Variants in CAGE1 observed in about 807,000 individuals in gnomAD.
CAGE1 encodes the protein cancer antigen 1, also known as cancer-associated gene 1 protein.
In CAGE1, 66 loss-of-function variants were observed where a neutral mutation model predicts 94.9. That is an observed-to-expected ratio of 0.70 (90% CI 0.57 to 0.85). CAGE1 has a LOEUF of 0.85. Ranked by LOEUF, CAGE1 falls within the 40% of genes least tolerant of loss-of-function variation. The pLI, the probability that CAGE1 is intolerant of heterozygous loss-of-function variation, is 0.00. For missense variants in CAGE1, 865 were observed against 950.4 expected, an observed-to-expected ratio of 0.91 and a Z score of 1.18; for synonymous variants, 319 against 321.0, an observed-to-expected ratio of 0.99 and a Z score of 0.07.
At chr6:7,388,693 G>A (rs74457696) in intron 1 of CAGE1, among the ~76,000 whole-genome samples, 1,542 of 152,162 alleles carry the variant, frequency 0.01, 22 homozygotes, top group African/African-American at 0.035. Flanking sequence ...ATAGTTTATT[G>A]AAAATTAGTT....
rs955075038 is a variant in CAGE1, at chr6:7,378,842, G to A, written c.462C>T (p.Asn154=). The change falls in exon 4 of 14, where the codon AAC becomes AAT. Residue 154 remains asparagine, a synonymous_variant. Coordinates refer to ENST00000502583, the MANE Select transcript of CAGE1 (RefSeq NM_001170692.2). ...CCTTAAATGAGTCTTGCTTTATATT[G>A]TTGTCTTTTGCATAATTATACACTT... ...QSQVYNYAKD[N]NIKQDSFKEE... is the part of the protein sequence containing the mutation. 6.2e-7 allele frequency: 1 copy of A among 1,612,664 alleles called. No homozygotes were observed. Among genetic ancestry groups the A allele is most frequent in the Admixed American group, 1.7e-5 (1 of 59,760 alleles).
At chr6:7,386,177 A>T (rs1167627031) in intron 2 of CAGE1, among the ~76,000 whole-genome samples, 1 of 151,628 alleles carries the variant, frequency 6.6e-6, no homozygotes, top group Non-Finnish European at 1.5e-5. Flanking sequence ...ATTGATAATT[A>T]TTTGATGTTT....
chr6:7,349,932 CAA>C (rs761682237), intron 11 of CAGE1, among the ~76,000 whole-genome samples: 30 of 77,604 alleles, frequency 3.9e-4, no homozygotes, highest in Non-Finnish European at 3.7e-4. Context: ...ACACTTGTCT[CAA>C]AAAAAAAAAA....
intron 7 of CAGE1, among the ~76,000 whole-genome samples, chr6:7,368,139 G>A (rs1760413932): frequency 6.6e-6 from 1 of 151,294 alleles, no homozygotes; most frequent in African/African-American, 2.4e-5. Flanking sequence ...TGTAATCCCA[G>A]CTACTTGGGA....
At chr6:7,369,797 T>G in intron 6 of CAGE1, 122 bp downstream of exon 6, 1 of 1,022,014 alleles carries the variant, frequency 9.8e-7, no homozygotes, top group Non-Finnish European at 1.4e-6. Context: ...GGGGTCTGTA[T>G]TTTATCTTCA....
chr6:7,362,407 T>C lies in CAGE1; in HGVS notation c.2193+3061A>G, dbSNP rs1760194888. ...GCCTTGTTCCCAGTGGTCAAATCCC[T>C]GACTGTATCAGTGTCTTCCTGGACC... is the stretch of plus-strand genomic sequence containing the variant. On this transcript the variant is annotated intron_variant, in intron 9 of 13. Transcript: ENST00000502583. The surrounding 1 kb of genome is among the most constrained non-coding windows in gnomAD (Gnocchi z 4.1). 6.6e-6 allele frequency among the ~76,000 whole-genome samples: 1 copy of C among 152,228 alleles called. No individual in the cohort carries two copies. The highest frequency in any genetic ancestry group is 1.5e-5 in the Non-Finnish European group (1 of 68,026).
At chr6:7,331,061 T>TG (rs1299495658) in intron 12 of CAGE1, among the ~76,000 whole-genome samples, 2 of 152,210 alleles carry the variant, frequency 1.3e-5, no homozygotes, top group African/African-American at 4.8e-5. Context: ...TTTTTCATTT[T>TG]GGGGAAAAAG....
At position 7,339,148 on chromosome 6, in the gene CAGE1, T is replaced by C; in HGVS notation, c.2370-5058A>G. ...GATTTAGCTCTCTGTCCTCAGAGTT[T>C]CCCAGACACCACGACCTCACAGCCT... On this transcript the variant is annotated intron_variant, in intron 11 of 13. Coordinates refer to ENST00000502583, the MANE Select transcript of CAGE1 (RefSeq NM_001170692.2). The surrounding 1 kb of genome is among the most constrained non-coding windows in gnomAD (Gnocchi z 4.7). 6.5e-7 allele frequency: 1 copy of C among 1,536,402 alleles called. No individual in the cohort carries two copies. Among genetic ancestry groups the C allele is most frequent in the Non-Finnish European group, 9.0e-7 (1 of 1,110,564 alleles).
chr6:7,358,826 A>G (rs1379241953), intron 9 of CAGE1, among the ~76,000 whole-genome samples: 1 of 152,198 alleles, frequency 6.6e-6, no homozygotes, highest in African/African-American at 2.4e-5. Context: ...CCTGTAAACA[A>G]TAACCAAAAA....
intron 12 of CAGE1, chr6:7,331,704 G>T: frequency 5.7e-6 from 1 of 174,346 alleles, no homozygotes; most frequent in South Asian, 1.4e-4. Flanking sequence ...GGTGCAGCTG[G>T]AGGACTTGGG....
chr6:7,342,131 C>T (rs1027402877), intron 11 of CAGE1: 1 of 1,007,312 alleles, frequency 9.9e-7, no homozygotes, highest in South Asian at 1.3e-5. Context: ...AAGGCAGCTT[C>T]ACAATCACTC....
chr6:7,364,399 G>A lies in CAGE1; in HGVS notation c.2193+1069C>T, dbSNP rs562817407. On this transcript the variant is annotated intron_variant, in intron 9 of 13. Transcript: ENST00000502583. ...AGTACCAGGGTTTATGTTTTGTTTCGCTTTCTAGCTCCTTAGTGATTAGCT... is the reference window on the plus strand; with the variant it reads ...AGTACCAGGGTTTATGTTTTGTTTCACTTTCTAGCTCCTTAGTGATTAGCT... 6.6e-5 allele frequency among the ~76,000 whole-genome samples: 10 copies of A among 151,980 alleles called. No homozygotes were observed. In the South Asian group the frequency reaches 1.9e-3, roughly 28 times the overall value.
intron 9 of CAGE1, among the ~76,000 whole-genome samples, chr6:7,361,238 C>T (rs559103164): frequency 1.3e-5 from 2 of 152,254 alleles, no homozygotes; most frequent in African/African-American, 4.8e-5. Flanking sequence ...CCAAGTGAAA[C>T]AACCATGTCT....
At position 7,365,456 on chromosome 6, in the gene CAGE1, G is replaced by C; in HGVS notation, c.2193+12C>G. On this transcript the variant is annotated intron_variant, in intron 9 of 13. Coordinates refer to ENST00000502583, the MANE Select transcript of CAGE1 (RefSeq NM_001170692.2). ...TAAAAATAATAGCAAGGTAAAAAAA[G>C]GTCTTTCTTACCAAGAAATCAAGCT... 6.2e-7 allele frequency: 1 copy of C among 1,603,494 alleles called. No homozygotes were observed. The highest frequency in any genetic ancestry group is 8.5e-7 in the Non-Finnish European group (1 of 1,173,380).
intron 3 of CAGE1, among the ~76,000 whole-genome samples, chr6:7,383,354 T>TA (rs1260753965): frequency 6.6e-6 from 1 of 152,252 alleles, no homozygotes; most frequent in African/African-American, 2.4e-5. Flanking sequence ...AGTTCACATG[T>TA]AGGCCTTTAC....
rs116482313 is a variant in CAGE1 at position 7,334,523 on chromosome 6, G to C, written c.2370-433C>G. ...GCAGGCGAGTCTCTTGAGCCCAGGA[G>C]TTCGTGACTAGCCTGGGCAACATGG... On this transcript the variant is annotated intron_variant, in intron 11 of 13. Coordinates refer to ENST00000502583, the MANE Select transcript of CAGE1 (RefSeq NM_001170692.2). Among the ~76,000 whole-genome samples, 555 of 152,168 alleles carry C rather than the reference G, an allele frequency of 3.6e-3. 3 individuals are homozygous for C. Among genetic ancestry groups the C allele is most frequent in the African/African-American group, 0.013 (541 of 41,504 alleles).
intron 4 of CAGE1, among the ~76,000 whole-genome samples, chr6:7,377,240 A>G (rs1340509684): frequency 1.3e-5 from 2 of 152,192 alleles, no homozygotes; most frequent in African/African-American, 4.8e-5. Flanking sequence ...CTATTGACTG[A>G]ATGAAAAATG....
chr6:7,330,004 T>A, intron 12 of CAGE1, 116 bp from the exon 13 acceptor site: 1 of 593,640 alleles, frequency 1.7e-6, no homozygotes, highest in Non-Finnish European at 3.1e-6. Context: ...CAAGGAGAAA[T>A]CGTCATTTAA....
At chr6:7,369,100 C>A (rs897109929) in intron 6 of CAGE1, among the ~76,000 whole-genome samples, 1 of 151,738 alleles carries the variant, frequency 6.6e-6, no homozygotes, top group African/African-American at 2.4e-5. Context: ...CCTCTCCCCC[C>A]AGGTTCAAGC....
Sources: allele counts gnomAD v4.1 joint callset (sites outside exome capture counted in the v4.1 genomes callset), GRCh38; gene constraint gnomAD v4.1.1; non-coding constraint Gnocchi (gnomAD v3.1); transcripts MANE v1.5; gene names NCBI Gene and HGNC (gene_info 2026-07-23, HGNC 2026-07-21).